The following DCDC2C variants were observed in gnomAD, a reference collection of about 807,000 sequenced individuals.
The protein encoded by DCDC2C is doublecortin domain containing 2C, also known as doublecortin domain-containing protein 2C.
Under a neutral mutation model 45.0 loss-of-function variants are expected in DCDC2C, and 44 were observed. The observed-to-expected ratio is 0.98, with a 90% CI of 0.77 to 1.26. The LOEUF is 1.26. DCDC2C is among the 50% of genes most tolerant of loss of function. DCDC2C has a pLI of 0.00. For synonymous variants in DCDC2C, 187 were observed against 178.8 expected (o/e 1.05, Z -0.37); for missense variants, 447 against 468.9 (o/e 0.95, Z 0.43).
intron 10 of DCDC2C, among the ~76,000 whole-genome samples, 190 bp downstream of exon 10, chr2:3,785,290 G>A (rs541657385): frequency 2.3e-4 from 35 of 152,240 alleles, no homozygotes; most frequent in African/African-American, 7.9e-4. Flanking sequence ...GCATAATCAC[G>A]GCCTTTCACA....
rs551639202 is a variant in DCDC2C at position 3,767,188 on chromosome 2, G to A, written c.727-566G>A. ...GACCACGTCCTAATTTGAGGAGCAG[G>A]TATCTGCATGTCATCTTACTTTGTG... On this transcript the variant is annotated intron_variant, in intron 6 of 10. Transcript: ENST00000399143. Among the ~76,000 whole-genome samples the A allele has an allele frequency of 3.9e-5, 6 of 152,330 alleles. No homozygotes were observed. In the East Asian group the frequency reaches 9.6e-4, roughly 24 times the overall value.
intron 10 of DCDC2C, among the ~76,000 whole-genome samples, chr2:3,842,062 C>T (rs755687153): frequency 3.4e-4 from 51 of 151,956 alleles, no homozygotes; most frequent in Non-Finnish European, 6.0e-4. Context: ...TGCAAGTGGA[C>T]GGAGGCAGCA....
At position 3,818,262 on chromosome 2, in the gene DCDC2C, G is replaced by C. The variant is rs747068447; in HGVS notation, c.1066-28892G>C. Reference sequence around the variant, plus strand: ...TAATGAGGGCTGTCCATGAAGCCTTGTGGCAGTACAGCCCAGGTAATTTGC... The same window carrying C: ...TAATGAGGGCTGTCCATGAAGCCTTCTGGCAGTACAGCCCAGGTAATTTGC... On this transcript the variant is annotated intron_variant, in intron 10 of 10. Transcript: ENST00000399143. The surrounding 1 kb of genome is among the most constrained non-coding windows in gnomAD (Gnocchi z 4.7). Among the ~76,000 whole-genome samples, 1 of 152,196 alleles carries C rather than the reference G, an allele frequency of 6.6e-6. No homozygotes were observed. The highest frequency in any genetic ancestry group is 2.4e-5 in the African/African-American group (1 of 41,446).
chr2:3,711,149 T>G (rs1668198288), intron 2 of DCDC2C, among the ~76,000 whole-genome samples: 1 of 152,238 alleles, frequency 6.6e-6, no homozygotes, highest in African/African-American at 2.4e-5. Flanking sequence ...CAACAGATGC[T>G]GGCAAGGTTG....
chr2:3,704,780 A>G (rs999895067), intron 1 of DCDC2C, among the ~76,000 whole-genome samples: 41 of 149,896 alleles, frequency 2.7e-4, no homozygotes, highest in African/African-American at 9.1e-4. Context: ...GGCAGTTCCC[A>G]TTTGAAATCG....
At position 3,761,879 on chromosome 2, in the gene DCDC2C, A is replaced by G. The variant is rs1669888899; in HGVS notation, c.727-5875A>G. Among the ~76,000 whole-genome samples the G allele has an allele frequency of 2.6e-5, 4 of 152,226 alleles. No individual in the cohort carries two copies. The highest frequency in any genetic ancestry group is 2.6e-4 in the Admixed American group (4 of 15,284). ...TATAATAGCATTAAAATATAGCTGG[A>G]TTAATTGAAATAGGCTCTGGAGAAA... is the stretch of plus-strand genomic sequence containing the variant. On this transcript the variant is annotated intron_variant, in intron 6 of 10. Coordinates refer to ENST00000399143, the MANE Select transcript of DCDC2C (RefSeq NM_001287444.2). This position sits in a 1 kb window ranked among gnomAD's most constrained non-coding sequence, Gnocchi z 4.3.
At chr2:3,719,718 G>T (rs1004998064) in intron 2 of DCDC2C, among the ~76,000 whole-genome samples, 4 of 152,168 alleles carry the variant, frequency 2.6e-5, no homozygotes, top group Non-Finnish European at 5.9e-5. Flanking sequence ...GAGGCTTCAG[G>T]TACCAAACCA....
intron 4 of DCDC2C, among the ~76,000 whole-genome samples, chr2:3,746,369 G>A (rs182102878): frequency 6.6e-6 from 1 of 152,292 alleles, no homozygotes; most frequent in East Asian, 1.9e-4. Context: ...CCTGGCCAGG[G>A]AAAGTGGGAG....
intron 10 of DCDC2C, among the ~76,000 whole-genome samples, chr2:3,813,366 CA>C (rs1213863139): frequency 1.3e-5 from 2 of 151,948 alleles, no homozygotes; most frequent in African/African-American, 4.8e-5. Flanking sequence ...CAGGCCTGGC[CA>C]AAGAATGTAT....
chr2:3,784,794 G>T (rs1049001737), intron 9 of DCDC2C, among the ~76,000 whole-genome samples: 9 of 152,046 alleles, frequency 5.9e-5, no homozygotes, highest in Non-Finnish European at 1.3e-4. Context: ...TATGACATGC[G>T]CCTTTTGCAT....
intron 10 of DCDC2C, among the ~76,000 whole-genome samples, chr2:3,813,039 GTATATA>G (rs202152340): frequency 0.15 from 13,138 of 87,208 alleles, 1,006 homozygotes; most frequent in Non-Finnish European, 0.21. Flanking sequence ...TGAGAAGAAC[GTATATA>G]TATATATATA....
intron 2 of DCDC2C, among the ~76,000 whole-genome samples, chr2:3,717,408 G>A (rs888573678): frequency 6.6e-6 from 1 of 152,030 alleles, no homozygotes; most frequent in Non-Finnish European, 1.5e-5. Context: ...ACCCAGAAAC[G>A]TGAGCATTTT....
intron 10 of DCDC2C, 118 bp downstream of exon 10, chr2:3,785,218 G>A: frequency 1.4e-6 from 1 of 709,352 alleles, no homozygotes. Flanking sequence ...TAACTTTTAT[G>A]CCTCTGTCAT....
intron 10 of DCDC2C, among the ~76,000 whole-genome samples, chr2:3,821,188 G>A (rs987174890): frequency 3.3e-5 from 5 of 152,172 alleles, no homozygotes; most frequent in Non-Finnish European, 5.9e-5. Flanking sequence ...TCTGAGCCAG[G>A]AGAAGGAATT....
intron 8 of DCDC2C, among the ~76,000 whole-genome samples, chr2:3,770,753 G>T (rs1415048787): frequency 6.6e-6 from 1 of 152,232 alleles, no homozygotes; most frequent in African/African-American, 2.4e-5. Flanking sequence ...GAATCCTCGT[G>T]TGACAAGCAC....
chr2:3,729,267 C>A (rs576976104), intron 3 of DCDC2C, among the ~76,000 whole-genome samples: 31 of 152,282 alleles, frequency 2.0e-4, no homozygotes, highest in Admixed American at 1.2e-3. Context: ...AAGAGCCCAC[C>A]CCAGGGCTCC....
At chr2:3,706,784 A>G (rs1415920869) in intron 1 of DCDC2C, among the ~76,000 whole-genome samples, 1 of 152,162 alleles carries the variant, frequency 6.6e-6, no homozygotes, top group Non-Finnish European at 1.5e-5. Context: ...GTGGGTGGAG[A>G]GGAAGTTGTG....
At chr2:3,831,679 A>G (rs533143475) in intron 10 of DCDC2C, among the ~76,000 whole-genome samples, 3 of 152,304 alleles carry the variant, frequency 2.0e-5, no homozygotes, top group Admixed American at 6.5e-5. Flanking sequence ...TCAGCACCCA[A>G]ACAAACTTGC....
intron 8 of DCDC2C, among the ~76,000 whole-genome samples, chr2:3,777,767 A>G (rs1188531390): frequency 6.6e-6 from 1 of 152,192 alleles, no homozygotes; most frequent in African/African-American, 2.4e-5. Context: ...TCGCCACGGA[A>G]CACTGTTCTT....
Sources: gnomAD v4.1 joint callset for allele counts (sites outside exome capture counted in the v4.1 genomes callset) on GRCh38, gnomAD v4.1.1 for gene constraint, Gnocchi (gnomAD v3.1) non-coding constraint, MANE v1.5 for transcripts, NCBI Gene and HGNC (gene_info 2026-07-23, HGNC 2026-07-21) for gene names.